NUP214: variants seen among roughly 807,000 people sequenced by gnomAD.
NUP214 encodes the protein nucleoporin 214.
NUP214 carries 79 observed loss-of-function variants against 196.2 expected under a neutral mutation model. The observed-to-expected ratio is 0.40, with a 90% CI of 0.34 to 0.49. The LOEUF (loss-of-function observed/expected upper bound fraction) is 0.49. Ranked by LOEUF, NUP214 falls within the 20% of genes least tolerant of loss-of-function variation. The pLI, the probability that NUP214 is intolerant of heterozygous loss-of-function variation, is 0.58. For missense variants in NUP214, 2,468 were observed against 2,539.0 expected (o/e 0.97, Z 0.60); for synonymous variants, 1,020 against 990.5 (o/e 1.03, Z -0.56).
At chr9:131,157,147 T>G (rs572542993) in intron 17 of NUP214, among the ~76,000 whole-genome samples, 60 of 151,456 alleles carry the variant, frequency 4.0e-4, no homozygotes, top group African/African-American at 5.1e-4. Flanking sequence ...TCTGTTTTTT[T>G]TTTTGTTTTG....
In NUP214 at chr9:131,198,069, G is replaced by A. The variant is rs748853278; in HGVS notation, c.4575G>A (p.Gln1525=). The A allele has an allele frequency of 1.9e-6, 3 of 1,614,188 alleles. No individual in the cohort carries two copies. The highest frequency in any genetic ancestry group is 2.2e-5 in the South Asian group (2 of 91,084). Reference sequence around the variant, plus strand: ...TTCTAGAGGAGCAACAGTCAGCCCAGCTTCCCCAGGCTCCTCCGCAAACTT... The same window carrying A: ...TTCTAGAGGAGCAACAGTCAGCCCAACTTCCCCAGGCTCCTCCGCAAACTT... ...ASLLEEQQSA[Q]LPQAPPQTSD... is the part of the protein sequence containing the mutation. The change falls in exon 29 of 36, where the codon CAG becomes CAA. Residue 1525 remains glutamine, a synonymous_variant. Transcript: ENST00000359428.
chr9:131,223,727 A>ATTTATTTTTTTTTTT lies in NUP214; in HGVS notation c.5902+800_5902+801insATTTTTTTTTTTTTT. On this transcript the variant is annotated intron_variant, in intron 32 of 35. Coordinates refer to ENST00000359428, the MANE Select transcript of NUP214 (RefSeq NM_005085.4). ...TTTTTTTATTTTTATTTATTTATTTATTTTTTTTTTTTTTTTTTTTTTTTT... is the reference window on the plus strand; with the variant it reads ...TTTTTTTATTTTTATTTATTTATTTATTTATTTTTTTTTTTTTTTTTTTTTTTTTTTTTTTTTTTT... 8.3e-4 allele frequency among the ~76,000 whole-genome samples: 13 copies of ATTTATTTTTTTTTTT among 15,658 alleles called. 2 individuals are homozygous for ATTTATTTTTTTTTTT. Among genetic ancestry groups the ATTTATTTTTTTTTTT allele is most frequent in the Non-Finnish European group, 1.1e-3 (8 of 6,968 alleles). 10.3% of individuals were successfully genotyped at this position (15,658 alleles called of 152,430 possible).
chr9:131,151,781 G>A lies in NUP214; in HGVS notation c.2323G>A (p.Gly775Ser). The change falls in exon 17 of 36, where the codon GGC becomes AGC. Residue 775 changes from glycine to serine, a missense_variant. Coordinates refer to ENST00000359428, the MANE Select transcript of NUP214 (RefSeq NM_005085.4). ...ISSLKTTLLEGFAGVEEAREQ... is the reference protein window; with the variant it reads ...ISSLKTTLLESFAGVEEAREQ... ...TAGCCTGAAAACAACTTTACTTGAG[G>A]GCTTTGCTGGTGTTGAGGAAGCCAG... 6.2e-7 allele frequency: 1 copy of A among 1,613,372 alleles called. No individual in the cohort carries two copies. The highest frequency in any genetic ancestry group is 8.5e-7 in the Non-Finnish European group (1 of 1,179,830).
Position 131,232,519 on chromosome 9 carries a change from T to C in NUP214, c.6239+211T>C. On this transcript the variant is annotated intron_variant, in intron 35 of 35. Coordinates refer to ENST00000359428, the MANE Select transcript of NUP214 (RefSeq NM_005085.4). The surrounding 1 kb of genome is among the most constrained non-coding windows in gnomAD (Gnocchi z 5.1). The stretch of plus-strand genomic sequence containing the variant: ...TGGCAGGAGGTGCCAGGCCTCGCCT[T>C]CTTAAGAGGCGTGGTTCAAAGAGAA... 1 of 625,164 alleles carries C rather than the reference T, an allele frequency of 1.6e-6. No homozygotes were observed. The highest frequency in any genetic ancestry group is 2.9e-6 in the Non-Finnish European group (1 of 348,512). The allele number at this position is 625,164 out of a possible 1,614,324, so 38.7% of individuals were successfully genotyped here. A position where few individuals can be genotyped will look rare whatever the true frequency, so the allele number is the denominator to read the frequency against.
In NUP214 at chr9:131,233,944, G is replaced by T. The variant is rs1372291013; in HGVS notation, c.*457G>T. 4 of 303,912 alleles carry T rather than the reference G, an allele frequency of 1.3e-5. No individual in the cohort carries two copies. The highest frequency in any genetic ancestry group is 1.9e-5 in the Non-Finnish European group (3 of 159,626). 18.8% of individuals were successfully genotyped at this position (303,912 alleles called of 1,614,324 possible). A position where few individuals can be genotyped will look rare whatever the true frequency, so the allele number is the denominator to read the frequency against. On this transcript the variant is annotated 3_prime_UTR_variant, in exon 36 of 36. Transcript: ENST00000359428. The stretch of plus-strand genomic sequence containing the variant: ...GGTCATCTTTTTGAGGCTGAAACTT[G>T]GTTATCTCCTCTCCTTGTTCTTTTA...
Position 131,198,511 on chromosome 9 carries a change from G to C in NUP214, c.5017G>C (p.Val1673Leu), listed in dbSNP as rs61735510. ...AGCCACTGCCCCCTCTGCCACGCCC[G>C]TGTTTGGGCAAGTGGCAGCCAGCAC... is the stretch of plus-strand genomic sequence containing the variant. ...NTATAPSATP[V>L]FGQVAASTAP... Residue 1673 changes from valine to leucine, a missense_variant, in exon 29 of 36, where the codon GTG becomes CTG. By Grantham distance (32) the Val-to-Leu change is conservative. Transcript: ENST00000359428. 2.0e-3 allele frequency: 3,288 copies of C among 1,614,214 alleles called. 32 individuals are homozygous for C. Among genetic ancestry groups the C allele is most frequent in the African/African-American group, 0.02 (1,513 of 75,058 alleles).
intron 30 of NUP214, 132 bp downstream of exon 30, chr9:131,201,849 C>T: frequency 2.7e-6 from 2 of 730,530 alleles, no homozygotes; most frequent in Non-Finnish European, 4.7e-6. Context: ...TTAAGCTGTA[C>T]TCCCTTCAGC....
intron 19 of NUP214, among the ~76,000 whole-genome samples, chr9:131,163,500 G>A (rs1832702370): frequency 6.6e-6 from 1 of 152,168 alleles, no homozygotes; most frequent in African/African-American, 2.4e-5. Context: ...GGATTAAGTT[G>A]ACTGACTTGT....
intron 23 of NUP214, among the ~76,000 whole-genome samples, chr9:131,175,985 A>G (rs565231969): frequency 6.6e-6 from 1 of 152,208 alleles, no homozygotes; most frequent in African/African-American, 2.4e-5. Flanking sequence ...ATCTCTTAGT[A>G]TCTTACAGAT....
intron 33 of NUP214, chr9:131,228,595 C>T (rs1045337728): frequency 1.2e-5 from 4 of 344,918 alleles, no homozygotes; most frequent in Non-Finnish European, 2.1e-5. Context: ...CCCCTGTTCT[C>T]CTGCTGGGGC....
At chr9:131,157,001 T>C (rs1455485096) in intron 17 of NUP214, among the ~76,000 whole-genome samples, 6 of 152,154 alleles carry the variant, frequency 3.9e-5, no homozygotes, top group East Asian at 1.9e-4. Context: ...AGTTTTGCTA[T>C]GTAGCCCAGG....
At chr9:131,209,534 C>CTAGT (rs1834178717) in intron 30 of NUP214, among the ~76,000 whole-genome samples, 1 of 152,068 alleles carries the variant, frequency 6.6e-6, no homozygotes, top group Non-Finnish European at 1.5e-5. Context: ...GCTGGGACTA[C>CTAGT]AGGTGTTCAC....
rs1249340934 is a variant in NUP214 at position 131,234,029 on chromosome 9, G to A, written c.*542G>A. 1 of 252,876 alleles carries A rather than the reference G, an allele frequency of 4.0e-6. No homozygotes were observed. The highest frequency in any genetic ancestry group is 5.8e-5 in the East Asian group (1 of 17,358). The allele number at this position is 252,876 out of a possible 1,614,324, so 15.7% of individuals were successfully genotyped here. On this transcript the variant is annotated 3_prime_UTR_variant, in exon 36 of 36. Coordinates refer to ENST00000359428, the MANE Select transcript of NUP214 (RefSeq NM_005085.4). ...CTGCGATTGAGTGGAGGCAGAGGAA[G>A]CCACTCATGCCAGCAGCAGTTGAGT...
rs564275739 is a variant in NUP214 at position 131,131,203 on chromosome 9, A to G, written c.663+367A>G. On this transcript the variant is annotated intron_variant, in intron 5 of 35. Coordinates refer to ENST00000359428, the MANE Select transcript of NUP214 (RefSeq NM_005085.4). ...AGGGAAAAGAGTTAGTGAAAAAACT[A>G]TGATGATAATGCAGAATCACTCTGG... is the stretch of plus-strand genomic sequence containing the variant. Among the ~76,000 whole-genome samples the G allele has an allele frequency of 3.3e-5, 5 of 152,362 alleles. No homozygotes were observed. The East Asian group carries it at 5.8e-4, about 18-fold the overall frequency.
At chr9:131,154,232 T>G (rs1832363442) in intron 17 of NUP214, among the ~76,000 whole-genome samples, 1 of 152,214 alleles carries the variant, frequency 6.6e-6, no homozygotes. Context: ...TTTTAATTTT[T>G]AAAAATTTCA....
intron 32 of NUP214, 138 bp downstream of exon 32, chr9:131,223,068 T>A (rs985790871): frequency 4.7e-5 from 32 of 678,634 alleles, no homozygotes; most frequent in Non-Finnish European, 7.1e-5. Context: ...TTCCTCCGCA[T>A]TATTTTTATA....
rs1225110446 is a variant in NUP214 at position 131,198,469 on chromosome 9, C to T, written c.4975C>T (p.Gln1659Ter). 4 of 1,614,186 alleles carry T rather than the reference C, an allele frequency of 2.5e-6. No homozygotes were observed. Among genetic ancestry groups the T allele is most frequent in the Non-Finnish European group, 3.4e-6 (4 of 1,180,034 alleles). Reference sequence around the variant, plus strand: ...TGCCAGTTCTAGCTCAGCTTTCAACCAGCTCACCAACAACACAGCCACTGC... The same window carrying T: ...TGCCAGTTCTAGCTCAGCTTTCAACTAGCTCACCAACAACACAGCCACTGC... ...PAASSSSAFN[Q>*]LTNNTATAPS... The change falls in exon 29 of 36, where the codon CAG becomes TAG. Residue 1659 changes from glutamine to a stop codon, truncating the protein, a stop_gained. Transcript: ENST00000359428. LOFTEE classifies it high-confidence loss of function.
intron 30 of NUP214, among the ~76,000 whole-genome samples, chr9:131,211,852 G>A (rs1054776078): frequency 2.0e-5 from 3 of 152,232 alleles, no homozygotes; most frequent in Admixed American, 6.5e-5. Flanking sequence ...TGTGGAGCAT[G>A]TGTGTTTGAA....
intron 17 of NUP214, among the ~76,000 whole-genome samples, chr9:131,157,717 C>T (rs1832500082): frequency 6.6e-6 from 1 of 152,082 alleles, no homozygotes; most frequent in Admixed American, 6.5e-5. Flanking sequence ...ATGATCTCAG[C>T]TCACTGCGAC....
Sources: allele counts gnomAD v4.1 joint callset (sites outside exome capture counted in the v4.1 genomes callset), GRCh38; gene constraint gnomAD v4.1.1; non-coding constraint Gnocchi (gnomAD v3.1); transcripts MANE v1.5; gene names NCBI Gene and HGNC (gene_info 2026-07-23, HGNC 2026-07-21).